LRRTM4: variants seen among roughly 807,000 people sequenced by gnomAD.
LRRTM4 encodes the protein leucine-rich repeat transmembrane neuronal protein 4.
LRRTM4 carries 25 observed loss-of-function variants against 47.6 expected under a neutral mutation model. That is an observed-to-expected ratio of 0.53 (90% CI 0.38 to 0.73). LRRTM4 has a LOEUF of 0.73. Among genes scored for constraint, LRRTM4 ranks in the 30% least tolerant of loss-of-function variants. The pLI is 0.00. For missense variants in LRRTM4, 638 were observed against 713.4 expected (o/e 0.89, Z 1.20); for synonymous variants, 311 against 269.5 (o/e 1.15, Z -1.51).
At chr2:76,912,909 C>T (rs763528890) in intron 3 of LRRTM4, among the ~76,000 whole-genome samples, 6 of 152,118 alleles carry the variant, frequency 3.9e-5, no homozygotes, top group Admixed American at 2.0e-4. Context: ...AAGCAGAAGC[C>T]GCTATGCTTC....
chr2:77,245,439 G>C (rs1167098674), intron 3 of LRRTM4, among the ~76,000 whole-genome samples: 1 of 149,296 alleles, frequency 6.7e-6, no homozygotes, highest in Non-Finnish European at 1.5e-5. Context: ...GGTCACTAGA[G>C]CCCAGGAGTT....
intron 3 of LRRTM4, among the ~76,000 whole-genome samples, chr2:76,908,193 G>C (rs1318983220): frequency 2.0e-5 from 3 of 149,130 alleles, no homozygotes; most frequent in Non-Finnish European, 3.0e-5. Context: ...TTCAATATAC[G>C]CAAATCAATA....
intron 3 of LRRTM4, among the ~76,000 whole-genome samples, chr2:76,800,497 A>G (rs1424067797): frequency 6.9e-6 from 1 of 145,956 alleles, no homozygotes; most frequent in South Asian, 2.2e-4. Context: ...AACCATAAAA[A>G]CCCTAGAAGA....
intron 3 of LRRTM4, among the ~76,000 whole-genome samples, chr2:76,964,773 C>A (rs1675969145): frequency 6.7e-6 from 1 of 149,054 alleles, no homozygotes; most frequent in South Asian, 2.1e-4. Context: ...AATGGGAAAA[C>A]AGAGAAAAGC....
chr2:76,906,906 T>A (rs1160312565), intron 3 of LRRTM4, among the ~76,000 whole-genome samples: 1 of 151,676 alleles, frequency 6.6e-6, no homozygotes, highest in Non-Finnish European at 1.5e-5. Flanking sequence ...TGGGAGACTT[T>A]AACACCCCAC....
intron 3 of LRRTM4, 57 bp from the exon 4 acceptor site, chr2:76,748,973 A>G (rs1226013149): frequency 7.2e-7 from 1 of 1,395,794 alleles, no homozygotes; most frequent in Non-Finnish European, 1.0e-6. Context: ...GAAAGATAGG[A>G]CAGCACTCAT....
intron 3 of LRRTM4, among the ~76,000 whole-genome samples, chr2:76,899,087 G>A (rs1673525895): frequency 6.6e-6 from 1 of 151,882 alleles, no homozygotes. Context: ...AGACTCTTAT[G>A]TAACTCCTTA....
chr2:77,400,116 T>A (rs1206331768), intron 3 of LRRTM4, among the ~76,000 whole-genome samples: 3 of 151,900 alleles, frequency 2.0e-5, no homozygotes, highest in Non-Finnish European at 2.9e-5. Context: ...TTCTATGAGA[T>A]CAACTTTTTT....
At chr2:77,230,732 T>C (rs1429132876) in intron 3 of LRRTM4, among the ~76,000 whole-genome samples, 1 of 152,194 alleles carries the variant, frequency 6.6e-6, no homozygotes, top group African/African-American at 2.4e-5. Context: ...TCCTCAGTTA[T>C]TGTTGTAATA....
chr2:76,925,738 C>T (rs1674569337), intron 3 of LRRTM4, among the ~76,000 whole-genome samples: 1 of 152,052 alleles, frequency 6.6e-6, no homozygotes, highest in South Asian at 2.1e-4. Flanking sequence ...GACCCAATCC[C>T]AGTTACTCCA....
At chr2:76,983,555 C>A (rs986973808) in intron 3 of LRRTM4, among the ~76,000 whole-genome samples, 41 of 151,996 alleles carry the variant, frequency 2.7e-4, no homozygotes, top group Non-Finnish European at 5.7e-4. Flanking sequence ...TGTGAGGCCT[C>A]CCCAGCCATG....
intron 3 of LRRTM4, among the ~76,000 whole-genome samples, chr2:77,213,640 A>C (rs1010333306): frequency 6.6e-6 from 1 of 152,138 alleles, no homozygotes; most frequent in African/African-American, 2.4e-5. Context: ...CTGCTTCTTC[A>C]TGAGCTATCT....
intron 3 of LRRTM4, among the ~76,000 whole-genome samples, chr2:77,112,627 A>G (rs1476836687): frequency 2.7e-5 from 4 of 150,798 alleles, no homozygotes; most frequent in Non-Finnish European, 4.4e-5. Flanking sequence ...AATGGAGTAT[A>G]ATAAGCTTTT....
intron 3 of LRRTM4, among the ~76,000 whole-genome samples, chr2:77,367,882 C>G (rs1489723412): frequency 6.6e-6 from 1 of 151,842 alleles, no homozygotes; most frequent in African/African-American, 2.4e-5. Context: ...CTGTTCAACA[C>G]AGTAGTTACT....
chr2:76,992,461 A>G (rs1387534326), intron 3 of LRRTM4, among the ~76,000 whole-genome samples: 1 of 151,750 alleles, frequency 6.6e-6, no homozygotes, highest in African/African-American at 2.4e-5. Context: ...AATGTAAAAA[A>G]TCAGTGTTGT....
chr2:77,255,970 T>A (rs1156622448), intron 3 of LRRTM4, among the ~76,000 whole-genome samples: 1 of 151,938 alleles, frequency 6.6e-6, no homozygotes, highest in Non-Finnish European at 1.5e-5. Flanking sequence ...AGAAATTCAA[T>A]GTAACAAAAT....
At chr2:77,373,797 T>A (rs1160768552) in intron 3 of LRRTM4, among the ~76,000 whole-genome samples, 1 of 151,768 alleles carries the variant, frequency 6.6e-6, no homozygotes. Context: ...AGGGGGTTTC[T>A]TGCGGAGATA....
At chr2:77,479,154 C>A (rs1457321341) in intron 3 of LRRTM4, among the ~76,000 whole-genome samples, 1 of 152,102 alleles carries the variant, frequency 6.6e-6, no homozygotes. Flanking sequence ...TCTCGGCCCC[C>A]CAGAGTGCTG....
At chr2:77,034,265 C>A (rs189547954) in intron 3 of LRRTM4, among the ~76,000 whole-genome samples, 179 of 151,950 alleles carry the variant, frequency 1.2e-3, no homozygotes, top group South Asian at 8.9e-3. Flanking sequence ...TCACCACAAC[C>A]CAAGCTGTGA....
Sources: allele counts gnomAD v4.1 joint callset (sites outside exome capture counted in the v4.1 genomes callset), GRCh38; gene constraint gnomAD v4.1.1; transcripts MANE v1.5; gene names NCBI Gene and HGNC (gene_info 2026-07-23, HGNC 2026-07-21).